The following RGL1 variants were observed in gnomAD, a reference collection of about 807,000 sequenced individuals.
RGL1 encodes ral guanine nucleotide dissociation stimulator-like 1.
RGL1 carries 24 observed loss-of-function variants against 95.2 expected under a neutral mutation model. The ratio of observed to expected loss-of-function variants is 0.25; its 90% CI spans 0.18 to 0.35. RGL1 has a LOEUF of 0.35. Ranked by LOEUF, RGL1 falls within the 10% of genes least tolerant of loss-of-function variation. The pLI is 1.00. For missense variants in RGL1, 715 were observed against 936.3 expected, an observed-to-expected ratio of 0.76 and a Z score of 3.08; for synonymous variants, 329 against 344.9, an observed-to-expected ratio of 0.95 and a Z score of 0.51.
At chr1:183,653,610 C>T (rs193022970) in intron 1 of RGL1, among the ~76,000 whole-genome samples, 51 of 152,328 alleles carry the variant, frequency 3.3e-4, no homozygotes, top group African/African-American at 1.1e-3. Flanking sequence ...CAGGGCTTCT[C>T]CTTGGGAGGC....
rs140627473 is a variant in RGL1 at position 183,695,103 on chromosome 1, G to A, written c.-32-47023G>A. ...AAGCCATGTAAGTGAAGGTGTGTAT[G>A]ACACAGTTCATGTGTGGAGTCTGCT... On this transcript the variant is annotated intron_variant, in intron 1 of 18. Coordinates refer to the RGL1 transcript ENST00000304685. Among the ~76,000 whole-genome samples the A allele has an allele frequency of 7.2e-5, 11 of 152,336 alleles. No homozygotes were observed. The East Asian group carries it at 1.4e-3, about 19-fold the overall frequency.
In RGL1 at chr1:183,842,295, C is replaced by T. The variant is rs913582487; in HGVS notation, c.139-5271C>T. On this transcript the variant is annotated intron_variant, in intron 2 of 17. Transcript: ENST00000360851. ...TTTGCTTAACACGTTCCCTGTTAAA[C>T]TATCAGATGACTGAATTATTATTTT... Among the ~76,000 whole-genome samples the T allele has an allele frequency of 6.6e-5, 10 of 150,622 alleles. No homozygotes were observed. The South Asian group carries it at 2.1e-3, about 31-fold the overall frequency.
intron 2 of RGL1, among the ~76,000 whole-genome samples, chr1:183,756,258 C>T (rs1040025897): frequency 6.6e-6 from 1 of 151,420 alleles, no homozygotes; most frequent in African/African-American, 2.4e-5. Context: ...ACTTTGACCT[C>T]CCTGGTTCGC....
chr1:183,719,799 A>G (rs905336400), intron 1 of RGL1, among the ~76,000 whole-genome samples: 1 of 152,168 alleles, frequency 6.6e-6, no homozygotes, highest in Non-Finnish European at 1.5e-5. Context: ...CCAGCTACTC[A>G]GGGGGCTGAG....
At chr1:183,793,957 A>G (rs1184989671) in intron 2 of RGL1, among the ~76,000 whole-genome samples, 1 of 152,078 alleles carries the variant, frequency 6.6e-6, no homozygotes, top group African/African-American at 2.4e-5. Flanking sequence ...TCGAAGGGCT[A>G]CCTGGACCTC....
At chr1:183,795,425 T>C (rs1660648478) in intron 2 of RGL1, among the ~76,000 whole-genome samples, 2 of 152,194 alleles carry the variant, frequency 1.3e-5, no homozygotes, top group African/African-American at 4.8e-5. Flanking sequence ...TGAGAGCACA[T>C]AATAGGGGTA....
rs111383467 is a variant in RGL1 at position 183,676,389 on chromosome 1, T to A, written c.-33+39888T>A. On this transcript the variant is annotated intron_variant, in intron 1 of 18. Transcript: ENST00000304685. ...ACTTTTCTTCCCTATGCCACCCACA[T>A]AGTTGAGCCATTCTCATGCCCCATC... is the stretch of plus-strand genomic sequence containing the variant. Among the ~76,000 whole-genome samples, 605 of 150,850 alleles carry A rather than the reference T, an allele frequency of 4.0e-3. 5 individuals carry two copies. Among genetic ancestry groups the A allele is most frequent in the African/African-American group, 0.014 (573 of 41,048 alleles).
At chr1:183,662,242 A>T (rs1240683539) in intron 1 of RGL1, among the ~76,000 whole-genome samples, 1 of 151,024 alleles carries the variant, frequency 6.6e-6, no homozygotes, top group Non-Finnish European at 1.5e-5. Flanking sequence ...AATAAAGGGT[A>T]TTCAATTAGG....
chr1:183,926,216 G>T lies in RGL1; in HGVS notation c.2231G>T (p.Ser744Ile). The T allele has an allele frequency of 6.2e-7, 1 of 1,614,028 alleles. No individual in the cohort carries two copies. The highest frequency in any genetic ancestry group is 8.5e-7 in the Non-Finnish European group (1 of 1,179,942). ...ATGGAAGAACAAGTGAAACTGCGTA[G>T]CCGGACCAGCTTGACGTTGCCCAGG... The part of the protein sequence containing the change: ...NSMEEQVKLR[S>I]RTSLTLPRTA... Residue 744 changes from serine to isoleucine, a missense_variant, in exon 18 of 18, where the codon AGC becomes ATC. Around this residue, in one of 3 missense-constraint regions of RGL1, gnomAD observed 330 missense variants for 429.6 expected, o/e 0.77. Coordinates refer to ENST00000360851, the MANE Select transcript of RGL1 (RefSeq NM_001297671.3).
chr1:183,886,873 G>A (rs1184564136), intron 7 of RGL1, among the ~76,000 whole-genome samples: 1 of 152,002 alleles, frequency 6.6e-6, no homozygotes, highest in Admixed American at 6.5e-5. Flanking sequence ...TTAATGGTAT[G>A]TTTTTACTTT....
chr1:183,749,139 CTTGGT>C (rs1657838355), intron 2 of RGL1, among the ~76,000 whole-genome samples: 1 of 152,172 alleles, frequency 6.6e-6, no homozygotes, highest in African/African-American at 2.4e-5. Context: ...ATTAGGTCCG[CTTGGT>C]CCAGAGCTGA....
intron 8 of RGL1, among the ~76,000 whole-genome samples, chr1:183,889,127 G>C (rs369001145): frequency 2.4e-3 from 372 of 152,102 alleles, no homozygotes; most frequent in African/African-American, 8.7e-3. Context: ...ATATTTCTTG[G>C]TGCAACCGTT....
chr1:183,655,559 T>G (rs553889983), intron 1 of RGL1, among the ~76,000 whole-genome samples: 1 of 152,046 alleles, frequency 6.6e-6, no homozygotes, highest in Admixed American at 6.6e-5. Context: ...ACTAAGGAGT[T>G]AGATGGGAAA....
At position 183,899,620 on chromosome 1, in the gene RGL1, C is replaced by T. The variant is rs553272218; in HGVS notation, c.1231-530C>T. Among the ~76,000 whole-genome samples, 45 of 152,308 alleles carry T rather than the reference C, an allele frequency of 3.0e-4. No homozygotes were observed. The Middle Eastern group carries it at 0.01, about 35-fold the overall frequency. On this transcript the variant is annotated intron_variant, in intron 10 of 17. Transcript: ENST00000360851. The stretch of plus-strand genomic sequence containing the variant: ...ACACGAATGATGTTGATCTTTATTA[C>T]TTGGTTAAGGAAGAGTTTGCCAGGT...
chr1:183,870,292 C>G (rs541048943), intron 4 of RGL1, among the ~76,000 whole-genome samples: 4 of 122,048 alleles, frequency 3.3e-5, no homozygotes, highest in Non-Finnish European at 7.8e-5. Context: ...TGTCTTCCGG[C>G]CAGGGTAGGT....
chr1:183,826,568 A>T lies in RGL1; in HGVS notation c.138+20083A>T, dbSNP rs138706497. 7.0e-3 allele frequency among the ~76,000 whole-genome samples: 1,059 copies of T among 152,308 alleles called. 8 individuals are homozygous for T. The highest frequency in any genetic ancestry group is 0.013 in the Non-Finnish European group (858 of 68,020). ...TGGAATAAATGCATGTAAGAAGAAG[A>T]TGATGATGAAATACCAGGCATAAAA... On this transcript the variant is annotated intron_variant, in intron 2 of 17. Coordinates refer to ENST00000360851, the MANE Select transcript of RGL1 (RefSeq NM_001297671.3).
Position 183,867,464 on chromosome 1 carries a change from C to T in RGL1, c.425+1391C>T, listed in dbSNP as rs115900476. Among the ~76,000 whole-genome samples the T allele has an allele frequency of 5.2e-3, 797 of 152,264 alleles. 6 individuals carry two copies. The highest frequency in any genetic ancestry group is 0.014 in the African/African-American group (587 of 41,558). ...AGTGTGAGGGTCTGAAAAGTGACTCCTCCTTTGCAGTGCTGCGGTCTTTGG... is the reference window on the plus strand; with the variant it reads ...AGTGTGAGGGTCTGAAAAGTGACTCTTCCTTTGCAGTGCTGCGGTCTTTGG... On this transcript the variant is annotated intron_variant, in intron 4 of 17. Coordinates refer to ENST00000360851, the MANE Select transcript of RGL1 (RefSeq NM_001297671.3).
intron 1 of RGL1, among the ~76,000 whole-genome samples, chr1:183,700,371 A>G (rs954462838): frequency 1.3e-5 from 2 of 151,510 alleles, no homozygotes; most frequent in South Asian, 4.2e-4. Context: ...TAAATATGGG[A>G]TCTCACATGA....
chr1:183,830,170 G>A (rs1663163591), intron 2 of RGL1, among the ~76,000 whole-genome samples: 2 of 152,178 alleles, frequency 1.3e-5, no homozygotes, highest in Admixed American at 1.3e-4. Flanking sequence ...GATGCAGTGA[G>A]TGGGCCTTTT....
Sources: gnomAD v4.1 joint callset for allele counts (sites outside exome capture counted in the v4.1 genomes callset) on GRCh38, gnomAD v4.1.1 for gene constraint, gnomAD v4.1.1 regional missense constraint, MANE v1.5 for transcripts, NCBI Gene and HGNC (gene_info 2026-07-23, HGNC 2026-07-21) for gene names.